SCN4A: variants seen among roughly 807,000 people sequenced by gnomAD.
SCN4A encodes sodium channel protein type 4 subunit alpha.
A neutral mutation model predicts 162.0 loss-of-function variants in SCN4A; 83 were observed. That is an observed-to-expected ratio of 0.51 (90% CI 0.43 to 0.61). The LOEUF (loss-of-function observed/expected upper bound fraction) is 0.61, where lower values mean the gene tolerates loss of function less well. Among genes scored for constraint, SCN4A ranks in the 20% least tolerant of loss-of-function variants. The probability of loss-of-function intolerance (pLI) is 0.00; values close to 1 mark genes in which losing one functional copy is unlikely to be tolerated. For missense variants in SCN4A, 2,196 were observed against 2,462.5 expected, an observed-to-expected ratio of 0.89 and a Z score of 2.29; for synonymous variants, 944 against 985.1, an observed-to-expected ratio of 0.96 and a Z score of 0.78.
intron 10 of SCN4A, among the ~76,000 whole-genome samples, chr17:63,962,232 G>A (rs1909289115): frequency 6.6e-6 from 1 of 152,206 alleles, no homozygotes; most frequent in South Asian, 2.1e-4. Flanking sequence ...AGGGGCTTGG[G>A]TTCCAGCCCC....
chr17:63,971,873 G>A (rs775531954), intron 3 of SCN4A, 23 bp from the exon 4 acceptor site: 10 of 1,612,714 alleles, frequency 6.2e-6, no homozygotes, highest in Admixed American at 1.7e-5. Context: ...GGGCCGGCCG[G>A]GACAGGCATG....
At position 63,945,997 on chromosome 17, in the gene SCN4A, G is replaced by T. The variant is rs1200663649; in HGVS notation, c.3442-359C>A. ...CTCACGTGACCCAGCCCCTGCTCAT[G>T]GGTTTTCAGCCCCAGAGCCCCAGAC... On this transcript the variant is annotated intron_variant, in intron 18 of 23. Coordinates refer to ENST00000435607, the MANE Select transcript of SCN4A (RefSeq NM_000334.4). The surrounding 1 kb of genome is among the most constrained non-coding windows in gnomAD (Gnocchi z 4.4). Among the ~76,000 whole-genome samples the T allele has an allele frequency of 6.6e-6, 1 of 152,144 alleles. No homozygotes were observed. The highest frequency in any genetic ancestry group is 1.5e-5 in the Non-Finnish European group (1 of 68,010).
chr17:63,944,530 C>G lies in SCN4A; in HGVS notation c.3912+143G>C. ...ACTTGTTCAAGGTGGCCTGGTGGGA[C>G]TGGGACCCAAGCTAGCTGCCTGAAC... On this transcript the variant is annotated intron_variant, in intron 21 of 23. Transcript: ENST00000435607. This position sits in a 1 kb window ranked among gnomAD's most constrained non-coding sequence, Gnocchi z 4.3. 1.2e-6 allele frequency: 1 copy of G among 850,196 alleles called. No individual in the cohort carries two copies. Among genetic ancestry groups the G allele is most frequent in the Middle Eastern group, 2.6e-4 (1 of 3,826 alleles). 52.7% of individuals were successfully genotyped at this position (850,196 alleles called of 1,614,324 possible).
At chr17:63,943,979 G>A (rs192200782) in intron 21 of SCN4A, 129 bp from the exon 22 acceptor site, 31 of 642,244 alleles carry the variant, frequency 4.8e-5, no homozygotes, top group Admixed American at 9.8e-5. Flanking sequence ...TGGAGGAAGC[G>A]GGAGGGTCAG....
At position 63,964,575 on chromosome 17, in the gene SCN4A, C is replaced by T. The variant is rs972262577; in HGVS notation, c.1345G>A (p.Ala449Thr). The T allele has an allele frequency of 1.2e-6, 2 of 1,613,818 alleles. No individual in the cohort carries two copies. Among genetic ancestry groups the T allele is most frequent in the Non-Finnish European group, 1.7e-6 (2 of 1,179,844 alleles). The change falls in exon 9 of 24, where the codon GCA becomes ACA. Residue 449 changes from alanine (A) to threonine (T), a missense_variant. By Grantham distance (58) the Ala-to-Thr change is moderately conservative. Coordinates refer to ENST00000435607, the MANE Select transcript of SCN4A (RefSeq NM_000334.4). ...INLILAVVAM[A>T]YAEQNEATLA... ...GTGGCCTCATTCTGCTCGGCATATG[C>T]CATGGCCACCACGGCCAGGATCAGA...
intron 11 of SCN4A, among the ~76,000 whole-genome samples, chr17:63,960,646 G>A (rs1909218681): frequency 6.6e-6 from 1 of 152,180 alleles, no homozygotes; most frequent in Admixed American, 6.5e-5. Flanking sequence ...GGATAAGCGG[G>A]CGGATCAGTG....
In SCN4A at chr17:63,961,366, A is replaced by G; in HGVS notation, c.1672T>C (p.Trp558Arg). 6.2e-7 allele frequency: 1 copy of G among 1,613,874 alleles called. No individual in the cohort carries two copies. The highest frequency in any genetic ancestry group is 8.5e-7 in the Non-Finnish European group (1 of 1,179,826). Residue 558 changes from tryptophan (W) to arginine (R), a missense_variant, in exon 11 of 24, where the codon TGG becomes CGG. Transcript: ENST00000435607. ...TTCAGCCACGGGGCGCAGCAGTTCC[A>G]TATGAGCACTTTGTGGGCGCACTTG... The part of the protein sequence containing the change: ...WYKCAHKVLI[W>R]NCCAPWLKFK...
rs1403364608 is a variant in SCN4A at position 63,943,891 on chromosome 17, C to T, written c.3913-41G>A. 6.0e-6 allele frequency: 8 copies of T among 1,341,566 alleles called. No homozygotes were observed. The Admixed American group carries it at 1.0e-4, about 17-fold the overall frequency. 83.1% of individuals were successfully genotyped at this position (1,341,566 alleles called of 1,614,324 possible). A position where few individuals can be genotyped will look rare whatever the true frequency, so the allele number is the denominator to read the frequency against. On this transcript the variant is annotated intron_variant, in intron 21 of 23. Coordinates refer to ENST00000435607, the MANE Select transcript of SCN4A (RefSeq NM_000334.4). ...GCTTGTCAGGTTGAGGTGCAGTTCC[C>T]CTTCCTGCCTCCAGGACCACCCCCA...
Position 63,961,259 on chromosome 17 carries a change from G to A in SCN4A, c.1779C>T (p.Leu593=). 1.9e-6 allele frequency: 3 copies of A among 1,609,384 alleles called. No individual in the cohort carries two copies. The highest frequency in any genetic ancestry group is 1.7e-6 in the Non-Finnish European group (2 of 1,177,834). ...TGGGGTAATGTTCCATGGCCATGAA[G>A]AGGGTGTTGAGCACGATGCAGATGG... ...GITICIVLNT[L]FMAMEHYPMT... The change falls in exon 11 of 24, where the codon CTC becomes CTT. Residue 593 remains leucine, a synonymous_variant. Coordinates refer to ENST00000435607, the MANE Select transcript of SCN4A (RefSeq NM_000334.4).
chr17:63,959,220 C>T (rs777968087), intron 12 of SCN4A, 45 bp downstream of exon 12: 15 of 1,562,710 alleles, frequency 9.6e-6, no homozygotes, highest in Non-Finnish European at 1.2e-5. Context: ...TTAGTCTCCT[C>T]ACCCCACCCC....
Position 63,972,235 on chromosome 17 carries a change from G to C in SCN4A, c.393-10C>G, listed in dbSNP as rs769697136. The C allele has an allele frequency of 6.2e-7, 1 of 1,612,406 alleles. No individual in the cohort carries two copies. Among genetic ancestry groups the C allele is most frequent in the African/African-American group, 1.3e-5 (1 of 75,000 alleles). On this transcript the variant is annotated splice_polypyrimidine_tract_variant and intron_variant, in intron 2 of 23. Transcript: ENST00000435607. The surrounding 1 kb of genome is among the most constrained non-coding windows in gnomAD (Gnocchi z 4.3). ...GAACATGCTGAACAGCGTGGGGCAG[G>C]GTCAAGGAAAGTGAGGAAGCAGCTA...
chr17:63,965,867 G>C (rs1355106111), intron 8 of SCN4A, among the ~76,000 whole-genome samples: 8 of 152,216 alleles, frequency 5.3e-5, no homozygotes, highest in Admixed American at 4.6e-4. Flanking sequence ...GCTAGGTCCA[G>C]ACCTTGGCTC....
rs1755053488 is a variant in SCN4A, at chr17:63,949,538, C to A, written c.2854-10G>T. On this transcript the variant is annotated splice_polypyrimidine_tract_variant and intron_variant, in intron 14 of 23. Coordinates refer to ENST00000435607, the MANE Select transcript of SCN4A (RefSeq NM_000334.4). ...GAGGCTGCGGCGGCTTCTGCGGAGG[C>A]CACAGGGTCACATGACATCTGGGTC... 5 of 1,598,090 alleles carry A rather than the reference C, an allele frequency of 3.1e-6. No homozygotes were observed. The highest frequency in any genetic ancestry group is 4.3e-6 in the Non-Finnish European group (5 of 1,169,280).
In SCN4A at chr17:63,945,147, C is replaced by T; in HGVS notation, c.3721-87G>A. 1 of 1,416,406 alleles carries T rather than the reference C, an allele frequency of 7.1e-7. No homozygotes were observed. Among genetic ancestry groups the T allele is most frequent in the Non-Finnish European group, 9.9e-7 (1 of 1,015,202 alleles). The allele number at this position is 1,416,406 out of a possible 1,614,324, so 87.7% of individuals were successfully genotyped here. A position where few individuals can be genotyped will look rare whatever the true frequency, so the allele number is the denominator to read the frequency against. On this transcript the variant is annotated intron_variant, in intron 19 of 23. Coordinates refer to ENST00000435607, the MANE Select transcript of SCN4A (RefSeq NM_000334.4). The surrounding 1 kb of genome is among the most constrained non-coding windows in gnomAD (Gnocchi z 4.4). Reference sequence around the variant, plus strand: ...TTTCCCTCCCCCACCCAACCTGGTCCTCCCCTGCCAGAGGCCGCCTGCCAG... The same window carrying T: ...TTTCCCTCCCCCACCCAACCTGGTCTTCCCCTGCCAGAGGCCGCCTGCCAG...
intron 4 of SCN4A, among the ~76,000 whole-genome samples, chr17:63,971,508 TG>T: frequency 6.6e-6 from 1 of 152,250 alleles, no homozygotes; most frequent in African/African-American, 2.4e-5. Flanking sequence ...CATGGGTCTG[TG>T]GGTCAGGGCT....
intron 17 of SCN4A, among the ~76,000 whole-genome samples, chr17:63,947,607 G>A (rs966612059): frequency 6.6e-6 from 1 of 152,190 alleles, no homozygotes; most frequent in African/African-American, 2.4e-5. Flanking sequence ...TAAATAAAAT[G>A]TATGAAGTAA....
chr17:63,959,198 T>A, intron 12 of SCN4A, 67 bp downstream of exon 12: 1 of 1,456,512 alleles, frequency 6.9e-7, no homozygotes, highest in Non-Finnish European at 9.4e-7. Context: ...CCCATCCCTG[T>A]GCCCACCCTC....
At chr17:63,947,778 C>T in intron 17 of SCN4A, 112 bp downstream of exon 17, 2 of 1,051,330 alleles carry the variant, frequency 1.9e-6, no homozygotes, top group Non-Finnish European at 2.7e-6. Context: ...GAGGGTCTGA[C>T]TCTGGGGGTG....
Position 63,972,574 on chromosome 17 carries a change from T to C in SCN4A, c.268A>G (p.Lys90Glu). The C allele has an allele frequency of 6.3e-7, 1 of 1,594,204 alleles. No individual in the cohort carries two copies. The highest frequency in any genetic ancestry group is 8.5e-7 in the Non-Finnish European group (1 of 1,170,166). ...LEDLDPYYSN[K>E]KTFIVLNKGK... ...AAGCCTTCCCAGGCCCAGACCTTCT[T>C]ATTGCTGTAGTAGGGATCCAGGTCC... The change falls in exon 1 of 24, where the codon AAG (lysine) becomes GAG (glutamate). Residue 90 changes from lysine to glutamate, a missense_variant. Lys to Glu is a moderately conservative substitution (Grantham distance 56). Coordinates refer to ENST00000435607, the MANE Select transcript of SCN4A (RefSeq NM_000334.4). This position sits in a 1 kb window ranked among gnomAD's most constrained non-coding sequence, Gnocchi z 4.3.
Sources: gnomAD v4.1 joint callset for allele counts (sites outside exome capture counted in the v4.1 genomes callset) on GRCh38, gnomAD v4.1.1 for gene constraint, Gnocchi (gnomAD v3.1) non-coding constraint, MANE v1.5 for transcripts, NCBI Gene and HGNC (gene_info 2026-07-23, HGNC 2026-07-21) for gene names.